The following REPS2 variants were observed in gnomAD, a reference collection of about 807,000 sequenced individuals.
The protein encoded by REPS2 is ralBP1-associated Eps domain-containing protein 2.
In REPS2, 23 loss-of-function variants were observed where a neutral mutation model predicts 53.6. The ratio of observed to expected loss-of-function variants is 0.43; its 90% CI spans 0.31 to 0.61. The LOEUF (loss-of-function observed/expected upper bound fraction) is 0.61, where lower values mean the gene tolerates loss of function less well. Ranked by LOEUF, REPS2 falls within the 20% of genes least tolerant of loss-of-function variation. REPS2 has a pLI of 0.11. For missense variants in REPS2, 446 were observed against 534.9 expected (o/e 0.83, Z 1.64); for synonymous variants, 238 against 218.6 (o/e 1.09, Z -0.78).
rs1479270992 is a variant in REPS2, at chrX:16,946,901, G to C, written c.40G>C (p.Ala14Pro). The change falls in exon 1 of 18, where the codon GCG becomes CCG. Residue 14 changes from alanine to proline, a missense_variant. Coordinates refer to ENST00000357277, the MANE Select transcript of REPS2 (RefSeq NM_004726.3). ...AAAAAAAAAA[A>P]AAAGGGCGSG... ...GGCGGCGGCGGCGGCGGCAGCGGCA[G>C]CGGCAGCGGCGGGCGGGGGCTGTGG... The C allele has an allele frequency of 2.6e-6, 2 of 782,214 alleles. No homozygotes were observed. Among genetic ancestry groups the C allele is most frequent in the Non-Finnish European group, 3.0e-6 (2 of 661,367 alleles). 64.5% of individuals were successfully genotyped at this position (782,214 alleles called of 1,213,427 possible). A position where few individuals can be genotyped will look rare whatever the true frequency, so the allele number is the denominator to read the frequency against.
the REPS2 span, among the ~76,000 whole-genome samples, chrX:17,182,706 C>T: frequency 8.9e-6 from 1 of 112,340 alleles, no homozygotes; most frequent in African/African-American, 3.2e-5. Context: ...TTCAAATAGT[C>T]ACACTAACAA....
the REPS2 span, among the ~76,000 whole-genome samples, chrX:17,162,937 A>G: frequency 8.9e-6 from 1 of 112,368 alleles, no homozygotes; most frequent in African/African-American, 3.2e-5. Context: ...CAAAATGTCC[A>G]GTTTGTAATG....
At chrX:17,053,732 A>G (rs1303600677) in intron 7 of REPS2, among the ~76,000 whole-genome samples, 3 of 111,843 alleles carry the variant, frequency 2.7e-5, no homozygotes, top group African/African-American at 9.7e-5. Context: ...CAGTCTAAAC[A>G]TTGTTGGCAT....
chrX:17,039,350 A>G (rs756645261), intron 5 of REPS2, among the ~76,000 whole-genome samples: 10 of 112,515 alleles, frequency 8.9e-5, no homozygotes, highest in Admixed American at 2.8e-4. Flanking sequence ...TGTTAGCGCC[A>G]CATACTGCAA....
intron 14 of REPS2, among the ~76,000 whole-genome samples, chrX:17,112,734 A>G (rs912643777): frequency 1.8e-5 from 2 of 111,148 alleles, no homozygotes; most frequent in Non-Finnish European, 3.8e-5. Flanking sequence ...AGTTTTAGCT[A>G]TAAACACTTA....
chrX:17,133,481 G>T (rs777748434), intron 14 of REPS2, among the ~76,000 whole-genome samples: 12 of 111,185 alleles, frequency 1.1e-4, no homozygotes, highest in Non-Finnish European at 2.3e-4. Flanking sequence ...TGGTGCTCAA[G>T]TTAAAATCTT....
At chrX:16,967,198 A>G (rs1380800256) in intron 1 of REPS2, among the ~76,000 whole-genome samples, 1 of 112,031 alleles carries the variant, frequency 8.9e-6, no homozygotes, top group African/African-American at 3.2e-5. Flanking sequence ...CAGTTTCCAT[A>G]AACAGTTTTA....
the REPS2 span, among the ~76,000 whole-genome samples, chrX:17,175,496 C>G: frequency 1.8e-5 from 2 of 112,219 alleles, no homozygotes; most frequent in Non-Finnish European, 3.8e-5. Context: ...CACCCTGCTT[C>G]TCAAATTGGG....
chrX:17,000,041 C>T (rs1007480089), intron 1 of REPS2, among the ~76,000 whole-genome samples: 2 of 78,762 alleles, frequency 2.5e-5, no homozygotes, highest in East Asian at 3.7e-4. Flanking sequence ...AGCGAGACTC[C>T]GTCTCAAAAA....
intron 1 of REPS2, among the ~76,000 whole-genome samples, chrX:17,005,581 C>T (rs1390093629): frequency 9.0e-6 from 1 of 111,145 alleles, no homozygotes; most frequent in Non-Finnish European, 1.9e-5. Context: ...CATACTGTAT[C>T]GGGACAGGGA....
intron 13 of REPS2, among the ~76,000 whole-genome samples, chrX:17,102,612 C>A (rs762045718): frequency 1.8e-5 from 2 of 112,262 alleles, no homozygotes; most frequent in Admixed American, 9.5e-5. Flanking sequence ...GATAGGCCAA[C>A]ATGATTGTAC....
At chrX:17,032,172 G>A (rs1569137666) in intron 5 of REPS2, among the ~76,000 whole-genome samples, 1 of 111,997 alleles carries the variant, frequency 8.9e-6, no homozygotes, top group Non-Finnish European at 1.9e-5. Flanking sequence ...TAGATTACAT[G>A]GGTCTGGAGC....
At chrX:17,060,745 G>A (rs754946125) in intron 8 of REPS2, among the ~76,000 whole-genome samples, 11 of 111,126 alleles carry the variant, frequency 9.9e-5, no homozygotes, top group Non-Finnish European at 1.3e-4. Flanking sequence ...GCACAGAACC[G>A]GGGTAGAGAG....
intron 15 of REPS2, 152 bp from the exon 16 acceptor site, chrX:17,135,109 C>T (rs1180916936): frequency 1.7e-5 from 8 of 478,255 alleles, no homozygotes; most frequent in Non-Finnish European, 2.1e-5. Context: ...ATGCCTGTGT[C>T]CCCCCAGTTC....
intron 5 of REPS2, among the ~76,000 whole-genome samples, chrX:17,038,909 AC>A (rs1300577940): frequency 1.8e-5 from 2 of 112,051 alleles, no homozygotes; most frequent in Non-Finnish European, 3.8e-5. Flanking sequence ...TTAGTAAGTG[AC>A]CATGCCAAAT....
intron 14 of REPS2, among the ~76,000 whole-genome samples, chrX:17,113,113 AAAAG>A (rs1236788665): frequency 3.2e-5 from 3 of 93,064 alleles, no homozygotes; most frequent in Non-Finnish European, 4.2e-5. Flanking sequence ...AAAAAAAAAA[AAAAG>A]AAACTGGAAG....
chrX:17,090,840 TA>T (rs1162879010), intron 13 of REPS2, among the ~76,000 whole-genome samples: 1 of 112,235 alleles, frequency 8.9e-6, no homozygotes, highest in Non-Finnish European at 1.9e-5. Context: ...TTTCTTGTTG[TA>T]AAATTTTTAT....
chrX:16,964,792 C>T (rs2060717054), intron 1 of REPS2, among the ~76,000 whole-genome samples: 1 of 87,461 alleles, frequency 1.1e-5, no homozygotes, highest in African/African-American at 4.3e-5. Context: ...GGGGGCTGAC[C>T]CCCCCACCTC....
At chrX:17,097,550 G>A (rs1325919789) in intron 13 of REPS2, among the ~76,000 whole-genome samples, 1 of 111,864 alleles carries the variant, frequency 8.9e-6, no homozygotes, top group African/African-American at 3.2e-5. Flanking sequence ...AAAAGAACAA[G>A]ATATGCCCAA....
Sources: allele counts gnomAD v4.1 joint callset (sites outside exome capture counted in the v4.1 genomes callset), GRCh38; gene constraint gnomAD v4.1.1; transcripts MANE v1.5; gene names NCBI Gene and HGNC (gene_info 2026-07-23, HGNC 2026-07-21).